The following CCDC192 variants were observed in gnomAD, a reference collection of about 807,000 sequenced individuals.
CCDC192 encodes coiled-coil domain-containing protein 192.
chr5:127,837,778 G>A (rs1281693100), intron 5 of CCDC192, among the ~76,000 whole-genome samples: 1 of 152,052 alleles, frequency 6.6e-6, no homozygotes, highest in Admixed American at 6.6e-5. Context: ...TCATGAGGTC[G>A]GGAGATGGAG....
intron 5 of CCDC192, among the ~76,000 whole-genome samples, chr5:127,818,557 A>T (rs1749136718): frequency 6.6e-6 from 1 of 152,216 alleles, no homozygotes; most frequent in African/African-American, 2.4e-5. Flanking sequence ...TAGGTCTTAT[A>T]GCACATTATG....
chr5:127,904,495 C>CTTTTT (rs11344791), intron 6 of CCDC192, among the ~76,000 whole-genome samples: 11 of 115,852 alleles, frequency 9.5e-5, no homozygotes, highest in Non-Finnish European at 1.7e-4. Context: ...TTGGCAGAGA[C>CTTTTT]TTTTTTTTTT....
chr5:127,892,886 T>C (rs958615004), intron 6 of CCDC192, among the ~76,000 whole-genome samples: 2 of 151,962 alleles, frequency 1.3e-5, no homozygotes, highest in African/African-American at 4.8e-5. Context: ...ACAGAGAAAA[T>C]AATGCTCTCC....
chr5:127,906,512 G>GCAGTGGCTC lies in CCDC192; in HGVS notation c.535+30852_535+30860dup, dbSNP rs548678159. On this transcript the variant is annotated intron_variant, in intron 6 of 6. Transcript: ENST00000514853. ...TACAAACATCTATTTGAGGCTAGGT[G>GCAGTGGCTC]CAGTGGCTCACACCTGTAATCCTAG... Among the ~76,000 whole-genome samples the GCAGTGGCTC allele has an allele frequency of 9.8e-3, 1,498 of 152,278 alleles. 32 individuals are homozygous for GCAGTGGCTC. The highest frequency in any genetic ancestry group is 0.012 in the Non-Finnish European group (830 of 68,020).
chr5:127,892,778 T>G (rs1414288149), intron 6 of CCDC192, among the ~76,000 whole-genome samples: 1 of 152,254 alleles, frequency 6.6e-6, no homozygotes. Flanking sequence ...ATAAAGATTT[T>G]ATTTTATTTT....
In CCDC192 at chr5:127,831,157, A is replaced by G. The variant is rs1749776777; in HGVS notation, c.411+32995A>G. ...TTAGGAGGTTAAGCCCTAAAAACAA[A>G]TTTTTCTCCTTAAAAACTGTGTCTT... On this transcript the variant is annotated intron_variant, in intron 5 of 6. Coordinates refer to ENST00000514853, the MANE Select transcript of CCDC192 (RefSeq NM_001317938.2). Among the ~76,000 whole-genome samples, 3 of 152,272 alleles carry G rather than the reference A, an allele frequency of 2.0e-5. No individual in the cohort carries two copies. In the South Asian group the frequency reaches 6.2e-4, roughly 32 times the overall value.
At chr5:127,860,050 T>G (rs964259080) in intron 5 of CCDC192, among the ~76,000 whole-genome samples, 3 of 152,142 alleles carry the variant, frequency 2.0e-5, no homozygotes, top group Non-Finnish European at 2.9e-5. Context: ...ACTTCAAGAC[T>G]CAGCTCAGGT....
At chr5:127,809,786 T>C (rs1757979369) in intron 5 of CCDC192, among the ~76,000 whole-genome samples, 1 of 152,164 alleles carries the variant, frequency 6.6e-6, no homozygotes, top group Non-Finnish European at 1.5e-5. Flanking sequence ...GAACCAGTCA[T>C]ATGGGTCTGG....
At chr5:127,862,340 C>T (rs1751404565) in intron 5 of CCDC192, among the ~76,000 whole-genome samples, 1 of 152,168 alleles carries the variant, frequency 6.6e-6, no homozygotes, top group Admixed American at 6.5e-5. Flanking sequence ...CTACTTCCCC[C>T]AAAACATTCA....
At chr5:127,801,825 G>A (rs945103688) in intron 5 of CCDC192, among the ~76,000 whole-genome samples, 3 of 152,190 alleles carry the variant, frequency 2.0e-5, no homozygotes, top group Admixed American at 6.6e-5. Context: ...AGAACCAGAA[G>A]AGGTTGAGAA....
upstream of CCDC192, among the ~76,000 whole-genome samples, chr5:127,702,285 T>C (rs1243280720): frequency 4.6e-5 from 7 of 151,996 alleles, no homozygotes; most frequent in Non-Finnish European, 7.4e-5. Context: ...AAGTAACAAA[T>C]CCAAAGCACA....
chr5:127,889,948 T>A (rs1200480924), intron 6 of CCDC192, among the ~76,000 whole-genome samples: 2 of 152,022 alleles, frequency 1.3e-5, no homozygotes, highest in East Asian at 3.9e-4. Flanking sequence ...CCTTAACTAA[T>A]CAATATGTCC....
intron 1 of CCDC192, among the ~76,000 whole-genome samples, chr5:127,707,497 G>A (rs1355006123): frequency 6.6e-6 from 1 of 151,920 alleles, no homozygotes; most frequent in East Asian, 1.9e-4. Flanking sequence ...AACTTTTAAA[G>A]GCTATTTTAT....
chr5:127,930,925 C>T (rs545262779), intron 6 of CCDC192, among the ~76,000 whole-genome samples: 13 of 152,338 alleles, frequency 8.5e-5, no homozygotes, highest in East Asian at 7.7e-4. Context: ...CTTGCTTTTC[C>T]GCACAAACGA....
chr5:127,894,715 G>A (rs549049423), intron 6 of CCDC192, among the ~76,000 whole-genome samples: 26 of 152,250 alleles, frequency 1.7e-4, no homozygotes, highest in African/African-American at 6.0e-4. Context: ...TCACCAGTAT[G>A]GTAATATAAG....
chr5:127,847,007 C>T (rs1750583773), intron 5 of CCDC192, among the ~76,000 whole-genome samples: 2 of 152,054 alleles, frequency 1.3e-5, no homozygotes, highest in Non-Finnish European at 2.9e-5. Context: ...TCAACTGGTC[C>T]CGTGTTTATT....
chr5:127,732,565 T>C (rs538295550), intron 2 of CCDC192, among the ~76,000 whole-genome samples: 2 of 152,342 alleles, frequency 1.3e-5, no homozygotes, highest in East Asian at 3.9e-4. Context: ...GCAGCACTAT[T>C]CACAATAGCA....
chr5:127,921,203 G>C (rs1753711036), intron 6 of CCDC192, among the ~76,000 whole-genome samples: 1 of 150,698 alleles, frequency 6.6e-6, no homozygotes, highest in Admixed American at 6.6e-5. Context: ...GAGAGAGAAA[G>C]AAAGAGAGTA....
chr5:127,710,822 C>G (rs1481337560), intron 2 of CCDC192, among the ~76,000 whole-genome samples: 1 of 152,126 alleles, frequency 6.6e-6, no homozygotes, highest in African/African-American at 2.4e-5. Context: ...GTTAAGTGAT[C>G]AAAGAATATG....
Sources: gnomAD v4.1 joint callset for allele counts (sites outside exome capture counted in the v4.1 genomes callset) on GRCh38, gnomAD v4.1.1 for gene constraint, MANE v1.5 for transcripts, NCBI Gene and HGNC (gene_info 2026-07-23, HGNC 2026-07-21) for gene names.